Variants in THSD7B observed in about 807,000 individuals in gnomAD.
The protein encoded by THSD7B is thrombospondin type-1 domain-containing protein 7B.
THSD7B carries 138 observed loss-of-function variants against 213.6 expected under a neutral mutation model. The ratio of observed to expected loss-of-function variants is 0.65; its 90% CI spans 0.56 to 0.74. The LOEUF is 0.74. Ranked by LOEUF, THSD7B falls within the 30% of genes least tolerant of loss-of-function variation. The pLI, the probability that THSD7B is intolerant of heterozygous loss-of-function variation, is 0.00. For missense variants in THSD7B, 1,931 were observed against 1,991.5 expected, an observed-to-expected ratio of 0.97 and a Z score of 0.58; for synonymous variants, 742 against 687.0, an observed-to-expected ratio of 1.08 and a Z score of -1.25.
intron 12 of THSD7B, among the ~76,000 whole-genome samples, chr2:137,300,446 C>T (rs1683572408): frequency 1.3e-5 from 2 of 152,036 alleles, no homozygotes; most frequent in African/African-American, 4.8e-5. Context: ...TTTACTGATG[C>T]AACTTGGTCC....
chr2:136,899,923 C>T (rs995023239), intron 2 of THSD7B, among the ~76,000 whole-genome samples: 1 of 152,162 alleles, frequency 6.6e-6, no homozygotes, highest in Non-Finnish European at 1.5e-5. Flanking sequence ...TCTTGTTTGG[C>T]TGGTCATGAA....
intron 2 of THSD7B, among the ~76,000 whole-genome samples, chr2:137,029,111 C>A (rs1187087141): frequency 8.4e-6 from 1 of 119,346 alleles, no homozygotes; most frequent in Non-Finnish European, 1.6e-5. Context: ...AAGAGTCTTG[C>A]TCTGTTGCCC....
intron 17 of THSD7B, among the ~76,000 whole-genome samples, chr2:137,612,018 C>T (rs908095955): frequency 2.0e-5 from 3 of 152,018 alleles, no homozygotes; most frequent in African/African-American, 7.2e-5. Flanking sequence ...TTCAAGGAGA[C>T]CAAGTGATGC....
chr2:137,229,370 T>TGC (rs1425228586), intron 7 of THSD7B, among the ~76,000 whole-genome samples: 1 of 152,096 alleles, frequency 6.6e-6, no homozygotes, highest in African/African-American at 2.4e-5. Context: ...TGTGTGTGTG[T>TGC]GTTACACACA....
intron 6 of THSD7B, among the ~76,000 whole-genome samples, chr2:137,167,710 C>T (rs1385760757): frequency 1.3e-5 from 2 of 152,072 alleles, no homozygotes; most frequent in Non-Finnish European, 2.9e-5. Context: ...TTCTTGGAGT[C>T]ATAGAAAAAA....
chr2:136,843,868 C>T (rs891448624), intron 1 of THSD7B, among the ~76,000 whole-genome samples: 1 of 152,170 alleles, frequency 6.6e-6, no homozygotes, highest in Non-Finnish European at 1.5e-5. Context: ...CTCCTAGGAA[C>T]ACAGAATCCT....
intron 12 of THSD7B, among the ~76,000 whole-genome samples, chr2:137,325,167 T>TTTTATGTTTTTG (rs138322809): frequency 2.0e-5 from 3 of 151,680 alleles, no homozygotes; most frequent in Non-Finnish European, 2.9e-5. Flanking sequence ...TGTTTTTTGT[T>TTTTATGTTTTTG]TTTTTGTTTT....
At chr2:137,079,534 A>C (rs577851848) in intron 3 of THSD7B, among the ~76,000 whole-genome samples, 1 of 152,166 alleles carries the variant, frequency 6.6e-6, no homozygotes, top group African/African-American at 2.4e-5. Context: ...GGATTGTACA[A>C]CATGCATTCT....
intron 10 of THSD7B, among the ~76,000 whole-genome samples, chr2:137,245,004 T>G (rs934507545): frequency 2.0e-5 from 3 of 151,838 alleles, no homozygotes. Flanking sequence ...TATGGGGGGG[T>G]GGTGTCCCAG....
intron 3 of THSD7B, among the ~76,000 whole-genome samples, chr2:137,065,560 CTTG>C (rs1687359743): frequency 6.6e-6 from 1 of 151,980 alleles, no homozygotes; most frequent in East Asian, 1.9e-4. Context: ...AGTGGGCTTC[CTTG>C]TTGTTTTCAA....
intron 15 of THSD7B, among the ~76,000 whole-genome samples, chr2:137,492,597 G>A (rs1419885573): frequency 6.6e-6 from 1 of 152,132 alleles, no homozygotes; most frequent in Non-Finnish European, 1.5e-5. Context: ...AAGAGCTTGA[G>A]CTTTAGAATC....
At chr2:137,131,991 A>G (rs1425926100) in intron 5 of THSD7B, among the ~76,000 whole-genome samples, 4 of 150,456 alleles carry the variant, frequency 2.7e-5, no homozygotes, top group African/African-American at 9.8e-5. Context: ...TTTTCACGAT[A>G]TTGATTCTTC....
rs60990849 is a variant in THSD7B, at chr2:137,673,434, C to A, written c.4740-3090C>A. Reference sequence around the variant, plus strand: ...AGAGTGATGGATTAGAGATGTCCACCTGGGCACAGGATGACTGGTGGTGTT... The same window carrying A: ...AGAGTGATGGATTAGAGATGTCCACATGGGCACAGGATGACTGGTGGTGTT... On this transcript the variant is annotated intron_variant, in intron 27 of 27. Coordinates refer to ENST00000409968, the MANE Select transcript of THSD7B (RefSeq NM_001316349.2). Among the ~76,000 whole-genome samples the A allele has an allele frequency of 3.3e-3, 501 of 152,144 alleles. 5 individuals carry two copies. The highest frequency in any genetic ancestry group is 0.011 in the African/African-American group (467 of 41,504).
At chr2:137,472,489 CA>C (rs1339231812) in intron 15 of THSD7B, among the ~76,000 whole-genome samples, 1 of 151,688 alleles carries the variant, frequency 6.6e-6, no homozygotes, top group Non-Finnish European at 1.5e-5. Flanking sequence ...TATTTCAAAA[CA>C]AAAAAAATTA....
chr2:137,491,934 G>A (rs1409693219), intron 15 of THSD7B, among the ~76,000 whole-genome samples: 1 of 151,928 alleles, frequency 6.6e-6, no homozygotes, highest in Non-Finnish European at 1.5e-5. Context: ...TCAGTGATGT[G>A]TTGGTCTTTG....
chr2:136,822,582 T>G (rs1682582710), intron 1 of THSD7B, among the ~76,000 whole-genome samples: 1 of 152,206 alleles, frequency 6.6e-6, no homozygotes, highest in South Asian at 2.1e-4. Context: ...ATTCAGCTAT[T>G]ACATTATACA....
intron 20 of THSD7B, among the ~76,000 whole-genome samples, chr2:137,633,011 A>T (rs1682769251): frequency 6.6e-6 from 1 of 152,214 alleles, no homozygotes; most frequent in East Asian, 1.9e-4. Flanking sequence ...GTGTAGAATT[A>T]CTGCTGCATC....
intron 26 of THSD7B, among the ~76,000 whole-genome samples, chr2:137,665,502 G>A (rs1280598086): frequency 6.6e-6 from 1 of 151,548 alleles, no homozygotes; most frequent in Non-Finnish European, 1.5e-5. Flanking sequence ...ATATATATTT[G>A]GTCTTGGGAG....
intron 1 of THSD7B, among the ~76,000 whole-genome samples, chr2:136,832,526 T>A (rs1682774126): frequency 6.6e-6 from 1 of 152,190 alleles, no homozygotes; most frequent in Non-Finnish European, 1.5e-5. Flanking sequence ...CTAAATTCAC[T>A]GATGTAAATG....
Sources: allele counts gnomAD v4.1 joint callset (sites outside exome capture counted in the v4.1 genomes callset), GRCh38; gene constraint gnomAD v4.1.1; transcripts MANE v1.5; gene names NCBI Gene and HGNC (gene_info 2026-07-23, HGNC 2026-07-21).